Variants in NARS2 observed in about 807,000 individuals in gnomAD.
NARS2 encodes the protein asparaginyl-tRNA synthetase 2, mitochondrial, also known as asparaginyl-tRNA synthetase.
Under a neutral mutation model 62.9 loss-of-function variants are expected in NARS2, and 60 were observed. That is an observed-to-expected ratio of 0.95 (90% CI 0.77 to 1.18). The LOEUF (loss-of-function observed/expected upper bound fraction) is 1.18, where lower values mean the gene tolerates loss of function less well. Ranked by LOEUF, NARS2 falls within the 50% of genes most tolerant of loss-of-function variation. The pLI, the probability that NARS2 is intolerant of heterozygous loss-of-function variation, is 0.00. For missense variants in NARS2, 619 were observed against 576.4 expected (o/e 1.07, Z -0.76); for synonymous variants, 196 against 200.0 (o/e 0.98, Z 0.17).
intron 11 of NARS2, among the ~76,000 whole-genome samples, chr11:78,458,469 C>T (rs1478252290): frequency 1.3e-5 from 2 of 148,678 alleles, no homozygotes; most frequent in East Asian, 2.1e-4. Flanking sequence ...TGTAAAATCA[C>T]ATAGTTTATA....
chr11:78,537,616 A>T (rs1368847332), intron 5 of NARS2, among the ~76,000 whole-genome samples: 1 of 152,184 alleles, frequency 6.6e-6, no homozygotes, highest in East Asian at 1.9e-4. Context: ...TGGGCAACAT[A>T]GTGAGAGGTC....
chr11:78,520,667 T>A (rs1329623324), intron 6 of NARS2, among the ~76,000 whole-genome samples: 1 of 152,174 alleles, frequency 6.6e-6, no homozygotes, highest in African/African-American at 2.4e-5. Flanking sequence ...TTTGGTGTTA[T>A]TTTTCCTGTG....
intron 6 of NARS2, among the ~76,000 whole-genome samples, chr11:78,520,876 T>G (rs951826790): frequency 6.6e-6 from 1 of 151,918 alleles, no homozygotes; most frequent in Non-Finnish European, 1.5e-5. Flanking sequence ...GCCAACATGA[T>G]GAAACCCCGT....
intron 5 of NARS2, among the ~76,000 whole-genome samples, chr11:78,543,975 G>A (rs1463269434): frequency 7.8e-6 from 1 of 127,878 alleles, no homozygotes; most frequent in East Asian, 2.5e-4. Flanking sequence ...AGCCAAGATT[G>A]TGCCACTGCA....
At chr11:78,473,545 C>A (rs1301674872) in intron 9 of NARS2, among the ~76,000 whole-genome samples, 1 of 152,298 alleles carries the variant, frequency 6.6e-6, no homozygotes, top group South Asian at 2.1e-4. Flanking sequence ...ATAGCTACTC[C>A]AGCATTATCA....
intron 10 of NARS2, among the ~76,000 whole-genome samples, chr11:78,468,003 C>T (rs1858694684): frequency 6.7e-6 from 1 of 150,244 alleles, no homozygotes; most frequent in East Asian, 1.9e-4. Context: ...ACTACCACAC[C>T]CGGCCTATAC....
intron 5 of NARS2, among the ~76,000 whole-genome samples, chr11:78,538,477 A>G (rs1207574863): frequency 5.9e-5 from 9 of 152,194 alleles, no homozygotes; most frequent in African/African-American, 1.9e-4. Context: ...ACAAGCTGGG[A>G]TAAATGAGTT....
intron 11 of NARS2, among the ~76,000 whole-genome samples, chr11:78,453,455 T>TA (rs150454956): frequency 1.1e-3 from 159 of 149,318 alleles, no homozygotes; most frequent in African/African-American, 3.4e-3. Context: ...GACCCTGAAT[T>TA]AAAAAAAAAA....
chr11:78,567,520 A>G (rs1856785587), intron 3 of NARS2, among the ~76,000 whole-genome samples: 1 of 152,210 alleles, frequency 6.6e-6, no homozygotes, highest in Non-Finnish European at 1.5e-5. Flanking sequence ...AGTGAAACAC[A>G]CGGCAAATTT....
chr11:78,567,977 CT>C (rs1856800044), intron 3 of NARS2, among the ~76,000 whole-genome samples: 1 of 152,190 alleles, frequency 6.6e-6, no homozygotes, highest in African/African-American at 2.4e-5. Context: ...ATCTTTTATT[CT>C]CTCTAACCTC....
rs142714916 is a variant in NARS2, at chr11:78,478,640, G to A, written c.866C>T (p.Ser289Leu). The A allele has an allele frequency of 6.2e-7, 1 of 1,611,982 alleles. No individual in the cohort carries two copies. The highest frequency in any genetic ancestry group is 1.7e-5 in the Admixed American group (1 of 59,688). Residue 289 changes from serine to leucine, a missense_variant, in exon 8 of 14, where the codon TCA (serine) becomes TTA (leucine). Physicochemically the swap from Ser to Leu is moderately radical, Grantham distance 145 (BLOSUM62 -2). Transcript: ENST00000281038. ...GAGTTCAACATCTTCAGGACATTTTGAGAGAACCATCATTGTTGTAGCCTT... is the reference window on the plus strand; with the variant it reads ...GAGTTCAACATCTTCAGGACATTTTAAGAGAACCATCATTGTTGTAGCCTT... The part of the protein sequence containing the change: ...LFKATTMMVL[S>L]KCPEDVELCH...
intron 13 of NARS2, 102 bp from the exon 14 acceptor site, chr11:78,436,916 T>C (rs1857428186): frequency 8.5e-7 from 1 of 1,178,796 alleles, no homozygotes; most frequent in African/African-American, 1.5e-5. Context: ...CATTTGTTAT[T>C]GTTTACCTCA....
At chr11:78,542,395 T>C (rs547250935) in intron 5 of NARS2, among the ~76,000 whole-genome samples, 1 of 152,338 alleles carries the variant, frequency 6.6e-6, no homozygotes, top group East Asian at 1.9e-4. Context: ...GCAAACTTAT[T>C]CCTAAATGTA....
intron 6 of NARS2, among the ~76,000 whole-genome samples, chr11:78,499,865 T>C (rs1480105040): frequency 6.6e-6 from 1 of 152,218 alleles, no homozygotes; most frequent in Admixed American, 6.5e-5. Context: ...TCTTTCTAAC[T>C]GAATATTTAT....
rs55758315 is a variant in NARS2, at chr11:78,493,027, CACAGAT to C, written c.822+30_822+35del. 0.79 allele frequency: 1,228,754 copies of C among 1,554,600 alleles called. 489,826 individuals carry two copies. The highest frequency in any genetic ancestry group is 0.82 in the Non-Finnish European group (937,350 of 1,141,308). On this transcript the variant is annotated intron_variant, in intron 7 of 13. Transcript: ENST00000281038. ...AATATATACAGAAACATTTTAATGTCACAGATACCTGGTATTTTAAAACTTGTGTAC... is the reference window on the plus strand; with the variant it reads ...AATATATACAGAAACATTTTAATGTCACCTGGTATTTTAAAACTTGTGTAC...
intron 7 of NARS2, among the ~76,000 whole-genome samples, chr11:78,487,678 CAAAG>C (rs1360523928): frequency 6.6e-6 from 1 of 151,790 alleles, no homozygotes; most frequent in Non-Finnish European, 1.5e-5. Flanking sequence ...AAACCAAAGA[CAAAG>C]AAAAAAATCT....
chr11:78,552,536 G>A (rs764476960), intron 5 of NARS2, among the ~76,000 whole-genome samples: 8 of 152,106 alleles, frequency 5.3e-5, no homozygotes, highest in Non-Finnish European at 8.8e-5. Context: ...AAGTCAAGCC[G>A]GGAACTGCTT....
At chr11:78,518,720 T>C (rs1861004232) in intron 6 of NARS2, among the ~76,000 whole-genome samples, 1 of 152,058 alleles carries the variant, frequency 6.6e-6, no homozygotes, top group South Asian at 2.1e-4. Flanking sequence ...GATTTCACGG[T>C]GTTAGCCAGG....
intron 6 of NARS2, among the ~76,000 whole-genome samples, chr11:78,503,157 C>CA (rs1860350486): frequency 6.6e-6 from 1 of 152,064 alleles, no homozygotes; most frequent in Admixed American, 6.5e-5. Flanking sequence ...GCACCACAAT[C>CA]AAAGCTGCTT....
Sources: allele counts gnomAD v4.1 joint callset (sites outside exome capture counted in the v4.1 genomes callset), GRCh38; gene constraint gnomAD v4.1.1; transcripts MANE v1.5; gene names NCBI Gene and HGNC (gene_info 2026-07-23, HGNC 2026-07-21).